MAF: variants seen among roughly 807,000 people sequenced by gnomAD.
MAF encodes MAF bZIP transcription factor.
MAF carries 10 observed loss-of-function variants against 22.0 expected under a neutral mutation model. The ratio of observed to expected loss-of-function variants is 0.45; its 90% CI spans 0.28 to 0.77. MAF has a LOEUF of 0.77. MAF is among the 30% of genes least tolerant of loss of function. The probability of loss-of-function intolerance (pLI) is 0.12; values close to 1 mark genes in which losing one functional copy is unlikely to be tolerated. For synonymous variants in MAF, 337 were observed against 255.8 expected (o/e 1.32, Z -3.03); for missense variants, 544 against 548.4 (o/e 0.99, Z 0.08).
chr16:79,320,054 G>A, the MAF span, among the ~76,000 whole-genome samples: 1 of 152,180 alleles, frequency 6.6e-6, no homozygotes, highest in Non-Finnish European at 1.5e-5. Context: ...ACCTTGGGTT[G>A]CATGGCAGAC....
At chr16:79,395,933 C>T in the MAF span, among the ~76,000 whole-genome samples, 2 of 152,090 alleles carry the variant, frequency 1.3e-5, no homozygotes, top group Non-Finnish European at 2.9e-5. Flanking sequence ...GAAAATCAGA[C>T]CTGGTGGCAA....
chr16:79,378,419 G>A, the MAF span, among the ~76,000 whole-genome samples: 4 of 152,196 alleles, frequency 2.6e-5, no homozygotes, highest in East Asian at 1.9e-4. Flanking sequence ...ACCAAGCTTG[G>A]CGAAACAAAG....
the MAF span, among the ~76,000 whole-genome samples, chr16:79,358,234 C>T: frequency 2.0e-5 from 3 of 152,292 alleles, no homozygotes; most frequent in South Asian, 6.2e-4. Context: ...AAATCCTGCT[C>T]ACTGGCTTCG....
the MAF span, among the ~76,000 whole-genome samples, chr16:79,244,965 G>A: frequency 1.3e-5 from 2 of 152,016 alleles, no homozygotes; most frequent in Admixed American, 1.3e-4. Context: ...AATCAATGGG[G>A]AAAGGTTTCC....
chr16:79,422,332 C>T, the MAF span, among the ~76,000 whole-genome samples: 1 of 152,104 alleles, frequency 6.6e-6, no homozygotes, highest in African/African-American at 2.4e-5. Flanking sequence ...TCTGCACGGG[C>T]CAGAGGTTTT....
chr16:79,581,606 C>T (rs899078056), downstream of MAF, among the ~76,000 whole-genome samples: 1 of 152,120 alleles, frequency 6.6e-6, no homozygotes, highest in Non-Finnish European at 1.5e-5. Flanking sequence ...TACCTGCTAG[C>T]AAATGAACTT....
At chr16:79,300,419 G>T in the MAF span, among the ~76,000 whole-genome samples, 20,329 of 152,022 alleles carry the variant, frequency 0.13, 1,423 homozygotes, top group Middle Eastern at 0.22. Context: ...GCCGGGTGTG[G>T]TGGTGCACAC....
chr16:79,310,957 T>G, the MAF span, among the ~76,000 whole-genome samples: 1 of 152,070 alleles, frequency 6.6e-6, no homozygotes, highest in African/African-American at 2.4e-5. Flanking sequence ...CTAACTGCCT[T>G]GGCTCCACTG....
the MAF span, among the ~76,000 whole-genome samples, chr16:79,398,541 C>T: frequency 0.52 from 78,442 of 151,864 alleles, 20,827 homozygotes; most frequent in South Asian, 0.71. Context: ...CTCATGGAAC[C>T]AGGTAGCAGA....
the MAF span, among the ~76,000 whole-genome samples, chr16:79,215,274 G>T: frequency 2.6e-5 from 4 of 152,094 alleles, no homozygotes; most frequent in Non-Finnish European, 5.9e-5. Flanking sequence ...CAGAGATGGG[G>T]TCTTGCTATG....
chr16:79,250,449 A>C, the MAF span, among the ~76,000 whole-genome samples: 1 of 152,320 alleles, frequency 6.6e-6, no homozygotes, highest in African/African-American at 2.4e-5. Flanking sequence ...TTGGCTCTTT[A>C]ATTGCCAGAA....
chr16:79,394,359 T>A, the MAF span, among the ~76,000 whole-genome samples: 3 of 152,316 alleles, frequency 2.0e-5, no homozygotes, highest in Middle Eastern at 6.8e-3. Context: ...TACAAGTGAT[T>A]TCTGCCGGGA....
At chr16:79,329,098 T>C in the MAF span, among the ~76,000 whole-genome samples, 25 of 151,152 alleles carry the variant, frequency 1.7e-4, no homozygotes, top group Middle Eastern at 3.4e-3. Flanking sequence ...TTTTAACCCA[T>C]GTTTCACTTC....
At chr16:79,558,642 C>T in the MAF span, among the ~76,000 whole-genome samples, 1 of 152,162 alleles carries the variant, frequency 6.6e-6, no homozygotes, top group East Asian at 1.9e-4. Flanking sequence ...TGGGCATTTT[C>T]ATTCATAGTT....
chr16:79,378,352 A>C, the MAF span, among the ~76,000 whole-genome samples: 1 of 152,310 alleles, frequency 6.6e-6, no homozygotes, highest in African/African-American at 2.4e-5. Context: ...TAAGAGAAAA[A>C]AGGAAGCCCA....
the MAF span, among the ~76,000 whole-genome samples, chr16:79,259,000 C>G: frequency 2.0e-5 from 3 of 152,102 alleles, no homozygotes; most frequent in Non-Finnish European, 4.4e-5. Flanking sequence ...GAAGGGAGAT[C>G]CCCCCCATCC....
the MAF span, among the ~76,000 whole-genome samples, chr16:79,390,470 T>C: frequency 6.6e-6 from 1 of 152,214 alleles, no homozygotes; most frequent in East Asian, 1.9e-4. Context: ...TTTCGGAACA[T>C]AATTTGTCAC....
chr16:79,224,774 G>T, the MAF span, among the ~76,000 whole-genome samples: 1 of 152,086 alleles, frequency 6.6e-6, no homozygotes, highest in Non-Finnish European at 1.5e-5. Flanking sequence ...GCTACAAAGA[G>T]AATAAAATAC....
chr16:79,472,993 AC>A, the MAF span, among the ~76,000 whole-genome samples: 1 of 152,196 alleles, frequency 6.6e-6, no homozygotes, highest in South Asian at 2.1e-4. Flanking sequence ...TATGGAGCTT[AC>A]ATTCTGGTGG....
Sources: allele counts gnomAD v4.1 joint callset (sites outside exome capture counted in the v4.1 genomes callset), GRCh38; gene constraint gnomAD v4.1.1; transcripts MANE v1.5; gene names NCBI Gene and HGNC (gene_info 2026-07-23, HGNC 2026-07-21).